PRUNE2: variants seen among roughly 807,000 people sequenced by gnomAD.
PRUNE2 encodes the protein protein prune homolog 2.
In PRUNE2, 164 loss-of-function variants were observed where a neutral mutation model predicts 252.0. The ratio of observed to expected loss-of-function variants is 0.65; its 90% CI spans 0.57 to 0.74. The LOEUF (loss-of-function observed/expected upper bound fraction) is 0.74. PRUNE2 is among the 30% of genes least tolerant of loss of function. The pLI, the probability that PRUNE2 is intolerant of heterozygous loss-of-function variation, is 0.00. For missense variants in PRUNE2, 3,495 were observed against 3,711.0 expected, an observed-to-expected ratio of 0.94 and a Z score of 1.51; for synonymous variants, 1,292 against 1,350.2, an observed-to-expected ratio of 0.96 and a Z score of 0.94.
chr9:76,826,481 A>ACAAAG, intron 5 of PRUNE2, 99 bp downstream of exon 5: 1 of 925,498 alleles, frequency 1.1e-6, no homozygotes, highest in South Asian at 2.0e-5. Flanking sequence ...TAAAAAACAA[A>ACAAAG]CAAAGAAACA....
rs544010591 is a variant in PRUNE2, at chr9:76,711,214, T to C, written c.1060A>G (p.Asn354Asp). ...GAGACCATCTCTGGACACCTCCTGTTGATGACTTCCTTGACAACGAGAACC... is the reference window on the plus strand; with the variant it reads ...GAGACCATCTCTGGACACCTCCTGTCGATGACTTCCTTGACAACGAGAACC... Reference protein sequence around the residue: ...QVVLVVKEVINRRCPEMVSNS... With the variant: ...QVVLVVKEVIDRRCPEMVSNS... The change falls in exon 8 of 19, where the codon AAC becomes GAC. Residue 354 changes from asparagine to aspartate, a missense_variant. By Grantham distance (23) the Asn-to-Asp change is conservative. Transcript: ENST00000376718. 22 of 1,613,970 alleles carry C rather than the reference T, an allele frequency of 1.4e-5. No individual in the cohort carries two copies. The Admixed American group carries it at 3.5e-4, about 26-fold the overall frequency.
chr9:76,710,152 G>C lies in PRUNE2; in HGVS notation c.2122C>G (p.Leu708Val), dbSNP rs1206880800. ...CAGGGACCTGACTTTGTAAATTCGA[G>C]GCTCTTTGGTTGAAATACAGAATCT... ...ASDSVFQPKS[L>V]EFTKSGPWES... The change falls in exon 8 of 19, where the codon CTC (leucine) becomes GTC (valine). Residue 708 changes from leucine to valine, a missense_variant. Leu to Val is a conservative substitution (Grantham distance 32, BLOSUM62 1). Transcript: ENST00000376718. The C allele has an allele frequency of 1.2e-6, 2 of 1,613,828 alleles. No individual in the cohort carries two copies. Among genetic ancestry groups the C allele is most frequent in the Admixed American group, 1.7e-5 (1 of 60,002 alleles).
chr9:76,789,954 C>T (rs1483530999), intron 6 of PRUNE2, among the ~76,000 whole-genome samples: 1 of 152,120 alleles, frequency 6.6e-6, no homozygotes, highest in East Asian at 1.9e-4. Context: ...TGTGCAACCC[C>T]CTCTTTATCA....
intron 15 of PRUNE2, among the ~76,000 whole-genome samples, chr9:76,634,435 A>C (rs1839115242): frequency 6.6e-6 from 1 of 152,142 alleles, no homozygotes; most frequent in African/African-American, 2.4e-5. Context: ...CAAAATTCCA[A>C]CCTAACTTAT....
chr9:76,621,108 G>A (rs116670945), intron 17 of PRUNE2, among the ~76,000 whole-genome samples: 2,494 of 151,978 alleles, frequency 0.016, 68 homozygotes, highest in African/African-American at 0.055. Flanking sequence ...GAAACTAGTG[G>A]GCATAAAGCA....
rs757407707 is a variant in PRUNE2 at position 76,826,680 on chromosome 9, C to T, written c.561G>A (p.Lys187=). The change falls in exon 5 of 19, where the codon AAG becomes AAA. Residue 187 remains lysine (K), a synonymous_variant. Transcript: ENST00000376718. ...MTMESEKISE[K]QEEILSILEE... is the part of the protein sequence containing the mutation. ...CCAGGATAGAAAGAATTTCCTCCTG[C>T]TTCTCTGAGATCTTCTCTGATTCCA... The T allele has an allele frequency of 1.2e-6, 2 of 1,612,610 alleles. No individual in the cohort carries two copies. The highest frequency in any genetic ancestry group is 1.3e-5 in the African/African-American group (1 of 74,968).
At chr9:76,730,308 C>T (rs1313658675) in intron 6 of PRUNE2, among the ~76,000 whole-genome samples, 1 of 152,188 alleles carries the variant, frequency 6.6e-6, no homozygotes, top group African/African-American at 2.4e-5. Flanking sequence ...ATAAAGAGAG[C>T]TTCTACTGTC....
At chr9:76,623,372 G>A (rs112042331) in intron 17 of PRUNE2, among the ~76,000 whole-genome samples, 19,770 of 151,050 alleles carry the variant, frequency 0.13, 1,592 homozygotes, top group African/African-American at 0.22. Context: ...TCGGCTCACT[G>A]CAATCTCCGC....
At chr9:76,699,584 T>C (rs2134669936) in intron 9 of PRUNE2, among the ~76,000 whole-genome samples, 1 of 152,272 alleles carries the variant, frequency 6.6e-6, no homozygotes, top group East Asian at 1.9e-4. Flanking sequence ...CCTGCAGAAC[T>C]CACATTCACG....
chr9:76,875,370 T>C (rs1206991872), intron 1 of PRUNE2, among the ~76,000 whole-genome samples: 1 of 152,172 alleles, frequency 6.6e-6, no homozygotes, highest in African/African-American at 2.4e-5. Flanking sequence ...TTTGTTTGTT[T>C]GTTTGTTTGT....
chr9:76,660,613 C>A lies in PRUNE2; in HGVS notation c.8277-5111G>T, dbSNP rs139940075. ...CCTGGCCAAGATGGTGAAACCCCAT[C>A]TCTACTAAAAATACAAAAATTAGCC... is the stretch of plus-strand genomic sequence containing the variant. On this transcript the variant is annotated intron_variant, in intron 9 of 18. Coordinates refer to ENST00000376718, the MANE Select transcript of PRUNE2 (RefSeq NM_015225.3). Among the ~76,000 whole-genome samples, 1,326 of 151,830 alleles carry A rather than the reference C, an allele frequency of 8.7e-3. 11 individuals carry two copies. The highest frequency in any genetic ancestry group is 0.03 in the African/African-American group (1,240 of 41,388).
chr9:76,862,509 T>C (rs770848690), intron 1 of PRUNE2: 1 of 152,160 alleles, frequency 6.6e-6, no homozygotes, highest in Non-Finnish European at 1.5e-5. Flanking sequence ...CAAAACCATC[T>C]AAGAAACAAC....
chr9:76,824,079 A>T (rs2058201904), intron 5 of PRUNE2, among the ~76,000 whole-genome samples: 2 of 152,170 alleles, frequency 1.3e-5, no homozygotes, highest in African/African-American at 4.8e-5. Flanking sequence ...ACTTGAGAAG[A>T]CTGGCTGCAG....
At chr9:76,785,719 AGTT>A (rs1303878594) in intron 6 of PRUNE2, 1 of 148,024 alleles carries the variant, frequency 6.8e-6, no homozygotes, top group Non-Finnish European at 1.5e-5. Flanking sequence ...ACTCAGGACC[AGTT>A]GTTAAGAGCT....
chr9:76,644,561 C>T (rs1280804764), intron 12 of PRUNE2, 178 bp downstream of exon 12: 3 of 723,908 alleles, frequency 4.1e-6, no homozygotes, highest in Admixed American at 4.0e-5. Context: ...AGTAGGATTT[C>T]AAATGTTTAT....
rs943011463 is a variant in PRUNE2 at position 76,710,225 on chromosome 9, A to G, written c.2049T>C (p.Pro683=). The change falls in exon 8 of 19, where the codon CCT becomes CCC. Residue 683 remains proline, a synonymous_variant. Transcript: ENST00000376718. ...SSEQESVFQS[P]ESWKEHKPSS... ...TTGGCTTATGCTCTTTCCATGATTC[A>G]GGGCTCTGGAAAACAGATTCCTGTT... is the stretch of plus-strand genomic sequence containing the variant. 3 of 1,613,950 alleles carry G rather than the reference A, an allele frequency of 1.9e-6. No individual in the cohort carries two copies. The Admixed American group carries it at 5.0e-5, about 27-fold the overall frequency.
At chr9:76,636,659 C>T (rs11144987) in intron 14 of PRUNE2, 102 bp from the exon 15 acceptor site, 21,347 of 689,206 alleles carry the variant, frequency 0.031, 1,132 homozygotes, top group East Asian at 0.14. Flanking sequence ...TAATTTAAGT[C>T]TGGCATGGTA....
chr9:76,825,157 A>G lies in PRUNE2; in HGVS notation c.661+1423T>C, dbSNP rs529836021. ...GAATTAAGGCCCCCTGGGTCTGAGTAGCCCACACTCTTCCAGTGGTCTGCT... is the reference window on the plus strand; with the variant it reads ...GAATTAAGGCCCCCTGGGTCTGAGTGGCCCACACTCTTCCAGTGGTCTGCT... On this transcript the variant is annotated intron_variant, in intron 5 of 18. Transcript: ENST00000376718. Among the ~76,000 whole-genome samples the G allele has an allele frequency of 2.6e-5, 4 of 152,288 alleles. No homozygotes were observed. The South Asian group carries it at 8.3e-4, about 32-fold the overall frequency.
chr9:76,805,024 TC>T (rs1412605267), intron 6 of PRUNE2, among the ~76,000 whole-genome samples: 10 of 152,160 alleles, frequency 6.6e-5, no homozygotes, highest in African/African-American at 2.4e-4. Flanking sequence ...CTCCATGACT[TC>T]CTTTAACAGA....
Sources: gnomAD v4.1 joint callset for allele counts (sites outside exome capture counted in the v4.1 genomes callset) on GRCh38, gnomAD v4.1.1 for gene constraint, MANE v1.5 for transcripts, NCBI Gene and HGNC (gene_info 2026-07-23, HGNC 2026-07-21) for gene names.